The following HIPK3 variants were observed in gnomAD, a reference collection of about 807,000 sequenced individuals.
HIPK3 encodes the protein homeodomain interacting protein kinase 3, also known as homeodomain-interacting protein kinase 3.
In HIPK3, 47 loss-of-function variants were observed where a neutral mutation model predicts 124.2. The observed-to-expected ratio is 0.38, with a 90% CI of 0.30 to 0.48. The LOEUF (loss-of-function observed/expected upper bound fraction) is 0.48, where lower values mean the gene tolerates loss of function less well. Ranked by LOEUF, HIPK3 falls within the 20% of genes least tolerant of loss-of-function variation. The pLI is 0.98. For synonymous variants in HIPK3, 482 were observed against 515.2 expected, an observed-to-expected ratio of 0.94 and a Z score of 0.87; for missense variants, 1,286 against 1,454.3, an observed-to-expected ratio of 0.88 and a Z score of 1.88.
chr11:33,313,938 G>A (rs563175096), intron 2 of HIPK3, among the ~76,000 whole-genome samples: 2 of 152,092 alleles, frequency 1.3e-5, no homozygotes, highest in Non-Finnish European at 2.9e-5. Context: ...GACTTTGTGA[G>A]CTCATGCAAT....
At chr11:33,350,418 G>A (rs1355893848) in intron 14 of HIPK3, among the ~76,000 whole-genome samples, 3 of 151,842 alleles carry the variant, frequency 2.0e-5, no homozygotes, top group African/African-American at 7.3e-5. Flanking sequence ...TGTAATCCCA[G>A]CACTTTGGGA....
rs1051775972 is a variant in HIPK3, at chr11:33,355,234, G to A, written c.*1666G>A. 5 of 151,990 alleles carry A rather than the reference G, an allele frequency of 3.3e-5. No homozygotes were observed. Among genetic ancestry groups the A allele is most frequent in the African/African-American group, 1.2e-4 (5 of 41,416 alleles). The allele number at this position is 151,990 out of a possible 1,614,324, so 9.4% of individuals were successfully genotyped here. The stretch of plus-strand genomic sequence containing the variant: ...TTTACTTTGCTTTTCTGTTTGGAGT[G>A]TCATTGTAACTACTGTATTGTAAAT... On this transcript the variant is annotated 3_prime_UTR_variant, in exon 17 of 17. Coordinates refer to ENST00000303296, the MANE Select transcript of HIPK3 (RefSeq NM_005734.5).
At chr11:33,331,788 CTGT>C (rs751029004) in intron 3 of HIPK3, among the ~76,000 whole-genome samples, 1 of 152,202 alleles carries the variant, frequency 6.6e-6, no homozygotes, top group Non-Finnish European at 1.5e-5. Flanking sequence ...CTAGGAACTG[CTGT>C]TAACACTTTA....
chr11:33,290,481 A>G (rs563634367), intron 2 of HIPK3, among the ~76,000 whole-genome samples: 5 of 152,108 alleles, frequency 3.3e-5, no homozygotes, highest in African/African-American at 1.2e-4. Flanking sequence ...GAGCTAGCAT[A>G]TTATATAAAC....
Position 33,353,902 on chromosome 11 carries a change from A to T in HIPK3, c.*334A>T, listed in dbSNP as rs560235851. 104 of 283,202 alleles carry T rather than the reference A, an allele frequency of 3.7e-4. No individual in the cohort carries two copies. Among genetic ancestry groups the T allele is most frequent in the Admixed American group, 6.4e-4 (13 of 20,348 alleles). The allele number at this position is 283,202 out of a possible 1,614,324, so 17.5% of individuals were successfully genotyped here. On this transcript the variant is annotated 3_prime_UTR_variant, in exon 17 of 17. Transcript: ENST00000303296. ...GGGAAGCCATTCTGTGTACAGACTTAGAGCAACAGATGCACATATGTCAGA... is the reference window on the plus strand; with the variant it reads ...GGGAAGCCATTCTGTGTACAGACTTTGAGCAACAGATGCACATATGTCAGA...
chr11:33,262,534 A>G (rs1347079146), intron 1 of HIPK3, among the ~76,000 whole-genome samples: 1 of 152,234 alleles, frequency 6.6e-6, no homozygotes, highest in Admixed American at 6.5e-5. Context: ...CTGTGTGGAA[A>G]TTAAAACAAC....
intron 1 of HIPK3, among the ~76,000 whole-genome samples, chr11:33,268,008 C>G (rs1851016619): frequency 6.6e-6 from 1 of 151,898 alleles, no homozygotes; most frequent in African/African-American, 2.4e-5. Flanking sequence ...CTCAGGAGTT[C>G]AAGACCAGCC....
At chr11:33,282,436 C>G (rs1182153925) in intron 1 of HIPK3, among the ~76,000 whole-genome samples, 5 of 151,938 alleles carry the variant, frequency 3.3e-5, no homozygotes, top group African/African-American at 1.2e-4. Context: ...AATCTCAGCA[C>G]TTTGGGAGGC....
chr11:33,324,019 G>A (rs914644342), intron 2 of HIPK3, among the ~76,000 whole-genome samples: 9 of 152,186 alleles, frequency 5.9e-5, no homozygotes, highest in Non-Finnish European at 1.0e-4. Context: ...ATGCCCAGAG[G>A]ATAAGAGTTA....
chr11:33,285,691 ATTTTC>A (rs1305847896), intron 1 of HIPK3, among the ~76,000 whole-genome samples: 1 of 151,720 alleles, frequency 6.6e-6, no homozygotes, highest in Non-Finnish European at 1.5e-5. Context: ...TATAATGTAT[ATTTTC>A]TTTTCTTGTC....
intron 1 of HIPK3, chr11:33,258,582 T>C: frequency 1.0e-6 from 1 of 985,396 alleles, no homozygotes; most frequent in Non-Finnish European, 1.2e-6. Flanking sequence ...CTTCTCTCGT[T>C]ACGGTGGCTG....
chr11:33,266,298 T>C (rs1176424570), intron 1 of HIPK3, among the ~76,000 whole-genome samples: 1 of 117,236 alleles, frequency 8.5e-6, no homozygotes, highest in Non-Finnish European at 1.8e-5. Context: ...TTCAAACTTC[T>C]AGGCTGTTTA....
rs905127696 is a variant in HIPK3, at chr11:33,277,599, A to T, written c.-2-8814A>T. ...CCAGTCCTTTTCTGACAATTAGATT[A>T]TTCTGAAATTTTGATACTACATATA... On this transcript the variant is annotated intron_variant, in intron 1 of 16. Coordinates refer to ENST00000303296, the MANE Select transcript of HIPK3 (RefSeq NM_005734.5). 1.4e-4 allele frequency among the ~76,000 whole-genome samples: 22 copies of T among 152,210 alleles called. 1 individual carries two copies. Among genetic ancestry groups the T allele is most frequent in the Non-Finnish European group, 2.5e-4 (17 of 68,024 alleles).
chr11:33,268,965 G>A (rs540929152), intron 1 of HIPK3, among the ~76,000 whole-genome samples: 1 of 152,180 alleles, frequency 6.6e-6, no homozygotes, highest in East Asian at 1.9e-4. Flanking sequence ...ATATGAAATC[G>A]TATCTGAACT....
chr11:33,324,869 CT>C (rs1852766058), intron 2 of HIPK3, among the ~76,000 whole-genome samples: 1 of 152,358 alleles, frequency 6.6e-6, no homozygotes. Flanking sequence ...TCACCTCCTT[CT>C]GCTTCCTCTG....
chr11:33,307,501 C>T (rs1852198651), intron 2 of HIPK3, among the ~76,000 whole-genome samples: 1 of 151,050 alleles, frequency 6.6e-6, no homozygotes, highest in South Asian at 2.1e-4. Flanking sequence ...CAGGTTCACG[C>T]CATTCTCCTG....
chr11:33,282,405 G>T (rs1393209468), intron 1 of HIPK3, among the ~76,000 whole-genome samples: 1 of 150,654 alleles, frequency 6.6e-6, no homozygotes, highest in Non-Finnish European at 1.5e-5. Context: ...AATTGGGCCG[G>T]GTGCCATGGC....
chr11:33,336,129 G>GGC (rs1853140551), intron 3 of HIPK3, among the ~76,000 whole-genome samples: 1 of 152,168 alleles, frequency 6.6e-6, no homozygotes, highest in African/African-American at 2.4e-5. Flanking sequence ...TACTGAGAAG[G>GGC]GCAGAGTTTG....
intron 1 of HIPK3, among the ~76,000 whole-genome samples, chr11:33,264,191 A>C (rs765576748): frequency 2.4e-4 from 37 of 152,072 alleles, no homozygotes; most frequent in Admixed American, 1.8e-3. Flanking sequence ...GGTCACACTT[A>C]AAGTGGATAT....
Sources: allele counts gnomAD v4.1 joint callset (sites outside exome capture counted in the v4.1 genomes callset), GRCh38; gene constraint gnomAD v4.1.1; transcripts MANE v1.5; gene names NCBI Gene and HGNC (gene_info 2026-07-23, HGNC 2026-07-21).